Variants in DCDC1 observed in about 807,000 individuals in gnomAD.
DCDC1 encodes doublecortin domain containing 1.
A neutral mutation model predicts 178.3 loss-of-function variants in DCDC1; 200 were observed. That is an observed-to-expected ratio of 1.12 (90% CI 1.00 to 1.26). The LOEUF (loss-of-function observed/expected upper bound fraction) is 1.26. Ranked by LOEUF, DCDC1 falls within the 50% of genes most tolerant of loss-of-function variation. The pLI is 0.00. For missense variants in DCDC1, 1,983 were observed against 1,749.2 expected (o/e 1.13, Z -2.38); for synonymous variants, 690 against 604.8 (o/e 1.14, Z -2.07).
intron 13 of DCDC1, among the ~76,000 whole-genome samples, chr11:31,104,874 A>G (rs779534256): frequency 4.2e-4 from 64 of 152,196 alleles, no homozygotes; most frequent in Non-Finnish European, 7.8e-4. Flanking sequence ...AGCTCATTGT[A>G]CTATTTTTTC....
chr11:31,115,436 T>G (rs910610662), intron 11 of DCDC1, among the ~76,000 whole-genome samples: 3 of 152,060 alleles, frequency 2.0e-5, no homozygotes, highest in African/African-American at 7.2e-5. Flanking sequence ...GCCAAACACC[T>G]AAGCTTCAAA....
At chr11:31,221,222 A>T (rs1283471970) in intron 9 of DCDC1, among the ~76,000 whole-genome samples, 1 of 152,200 alleles carries the variant, frequency 6.6e-6, no homozygotes, top group Non-Finnish European at 1.5e-5. Flanking sequence ...AGTAAATATC[A>T]TCTAAATCAG....
At chr11:31,275,136 A>G (rs930746639) in intron 7 of DCDC1, among the ~76,000 whole-genome samples, 1 of 152,182 alleles carries the variant, frequency 6.6e-6, no homozygotes, top group Admixed American at 6.5e-5. Context: ...AATGAATAAA[A>G]GAGTTAATAT....
intron 9 of DCDC1, among the ~76,000 whole-genome samples, chr11:31,160,578 G>T (rs1278326972): frequency 2.6e-5 from 4 of 151,886 alleles, no homozygotes; most frequent in Non-Finnish European, 4.4e-5. Flanking sequence ...TTTCTAGAGG[G>T]CTGTTCTGCT....
chr11:31,260,522 A>G lies in DCDC1; in HGVS notation c.1054+4985T>C, dbSNP rs145180045. Among the ~76,000 whole-genome samples, 696 of 152,346 alleles carry G rather than the reference A, an allele frequency of 4.6e-3. 6 individuals are homozygous for G. The highest frequency in any genetic ancestry group is 0.016 in the African/African-American group (670 of 41,582). On this transcript the variant is annotated intron_variant, in intron 8 of 38. Coordinates refer to ENST00000684477, the MANE Select transcript of DCDC1 (RefSeq NM_001387274.1). ...GGGGTGGGAAATGAAATAGGAAGTG[A>G]ACATTCAGTATGTCCAGAATGACCT...
At chr11:31,232,785 A>G (rs1975949196) in intron 9 of DCDC1, among the ~76,000 whole-genome samples, 1 of 152,130 alleles carries the variant, frequency 6.6e-6, no homozygotes, top group Non-Finnish European at 1.5e-5. Context: ...GTGAGCACTT[A>G]CTAGGTTCCA....
chr11:31,120,021 CA>C (rs2135879247), intron 11 of DCDC1, among the ~76,000 whole-genome samples: 1 of 152,234 alleles, frequency 6.6e-6, no homozygotes, highest in African/African-American at 2.4e-5. Context: ...GTCTTCTGGA[CA>C]AGGCTATTTG....
intron 9 of DCDC1, among the ~76,000 whole-genome samples, chr11:31,153,084 T>C (rs1965346177): frequency 6.6e-6 from 1 of 152,194 alleles, no homozygotes; most frequent in African/African-American, 2.4e-5. Flanking sequence ...CATATACCTA[T>C]GTTTTGGATT....
intron 9 of DCDC1, among the ~76,000 whole-genome samples, chr11:31,228,761 C>A (rs1975350976): frequency 6.6e-6 from 1 of 152,060 alleles, no homozygotes; most frequent in Non-Finnish European, 1.5e-5. Context: ...TTATAAACAT[C>A]TTTATGTCAA....
intron 8 of DCDC1, among the ~76,000 whole-genome samples, chr11:31,245,511 T>C (rs1030952902): frequency 1.3e-5 from 2 of 151,752 alleles, no homozygotes; most frequent in Admixed American, 1.3e-4. Context: ...TCAAAGCATA[T>C]TTAGGATGTG....
chr11:30,968,393 T>C (rs1360506499), intron 20 of DCDC1, among the ~76,000 whole-genome samples: 1 of 152,020 alleles, frequency 6.6e-6, no homozygotes, highest in Non-Finnish European at 1.5e-5. Flanking sequence ...TTTTGCTTTC[T>C]TCAGTTTCAG....
chr11:31,027,378 T>A (rs1284063411), intron 20 of DCDC1, among the ~76,000 whole-genome samples: 3 of 151,722 alleles, frequency 2.0e-5, no homozygotes, highest in African/African-American at 2.4e-5. Context: ...CTGATACATA[T>A]CCCCAAAGAA....
At chr11:31,266,712 A>G (rs1162888205) in intron 7 of DCDC1, among the ~76,000 whole-genome samples, 3 of 152,130 alleles carry the variant, frequency 2.0e-5, no homozygotes, top group Non-Finnish European at 4.4e-5. Context: ...CTTTTTGCCC[A>G]CTTCTGTCCC....
At chr11:31,218,510 T>A (rs897632996) in intron 9 of DCDC1, among the ~76,000 whole-genome samples, 4 of 152,204 alleles carry the variant, frequency 2.6e-5, no homozygotes, top group Admixed American at 6.5e-5. Context: ...TGCCTTGATT[T>A]TTATTTTCCC....
intron 9 of DCDC1, among the ~76,000 whole-genome samples, chr11:31,192,388 C>T (rs1283719350): frequency 1.3e-5 from 2 of 152,080 alleles, no homozygotes; most frequent in African/African-American, 2.4e-5. Context: ...GTGTGTCCCA[C>T]CATTTCTCTT....
chr11:30,977,602 A>G (rs531830072), intron 20 of DCDC1, among the ~76,000 whole-genome samples: 1 of 152,286 alleles, frequency 6.6e-6, no homozygotes, highest in African/African-American at 2.4e-5. Context: ...CTCTTTCAAT[A>G]TGTAGGATTA....
chr11:31,207,593 A>G (rs965943988), intron 9 of DCDC1, among the ~76,000 whole-genome samples: 3 of 152,204 alleles, frequency 2.0e-5, no homozygotes, highest in African/African-American at 7.2e-5. Context: ...CTGAAATTAT[A>G]TAATGGATCT....
rs563197580 is a variant in DCDC1 at position 31,106,821 on chromosome 11, C to A, written c.1727G>T (p.Trp576Leu). 20 of 766,170 alleles carry A rather than the reference C, an allele frequency of 2.6e-5. No homozygotes were observed. Among genetic ancestry groups the A allele is most frequent in the Middle Eastern group, 2.3e-4 (1 of 4,438 alleles). 47.5% of individuals were successfully genotyped at this position (766,170 alleles called of 1,614,324 possible). A position where few individuals can be genotyped will look rare whatever the true frequency, so the allele number is the denominator to read the frequency against. The stretch of plus-strand genomic sequence containing the variant: ...CCTGTATGCTCTACCATAAGAGACC[C>A]AAATTTTTTGCTCATTCTTCAGCGA... ...PLSLKNEQKI[W>L]VSYGRAYRSP... The change falls in exon 13 of 39, where the codon TGG (tryptophan) becomes TTG (leucine). Residue 576 changes from tryptophan to leucine, a missense_variant. Trp to Leu is a moderately conservative substitution (Grantham distance 61). Transcript: ENST00000684477.
At chr11:31,329,226 A>G (rs1042544753) in intron 2 of DCDC1, among the ~76,000 whole-genome samples, 1 of 152,108 alleles carries the variant, frequency 6.6e-6, no homozygotes, top group Admixed American at 6.6e-5. Flanking sequence ...AAGCCAAAAG[A>G]GATGAAAGCA....
Sources: allele counts gnomAD v4.1 joint callset (sites outside exome capture counted in the v4.1 genomes callset), GRCh38; gene constraint gnomAD v4.1.1; transcripts MANE v1.5; gene names NCBI Gene and HGNC (gene_info 2026-07-23, HGNC 2026-07-21).